Variants in CXCL13 observed in about 807,000 individuals in gnomAD.
CXCL13 encodes the protein C-X-C motif chemokine ligand 13.
A neutral mutation model predicts 12.2 loss-of-function variants in CXCL13; 7 were observed. That is an observed-to-expected ratio of 0.57 (90% CI 0.33 to 1.07). CXCL13 has a LOEUF of 1.07. CXCL13 is among the 50% of genes least tolerant of loss of function. CXCL13 has a pLI of 0.04. For synonymous variants in CXCL13, 47 were observed against 42.4 expected (o/e 1.11, Z -0.42); for missense variants, 113 against 127.4 (o/e 0.89, Z 0.55).
chr4:77,593,207 T>C (rs968629539), intron 1 of CXCL13, among the ~76,000 whole-genome samples: 5 of 152,228 alleles, frequency 3.3e-5, no homozygotes, highest in Non-Finnish European at 5.9e-5. Flanking sequence ...AAGCACACTC[T>C]GTTTCCCTGA....
chr4:77,566,026 G>A (rs564844219), intron 1 of CXCL13, among the ~76,000 whole-genome samples: 1 of 152,296 alleles, frequency 6.6e-6, no homozygotes, highest in South Asian at 2.1e-4. Flanking sequence ...CATCTCACAT[G>A]CTCTTCAAAA....
intron 1 of CXCL13, among the ~76,000 whole-genome samples, chr4:77,550,130 G>GCACC (rs1467800082): frequency 6.6e-6 from 1 of 152,216 alleles, no homozygotes; most frequent in East Asian, 1.9e-4. Flanking sequence ...GGCTCTGTTG[G>GCACC]CATGGGATCT....
chr4:77,588,811 G>A (rs1039750221), intron 1 of CXCL13, among the ~76,000 whole-genome samples: 1 of 152,140 alleles, frequency 6.6e-6, no homozygotes, highest in Non-Finnish European at 1.5e-5. Flanking sequence ...CGAGAACAAA[G>A]CTGAACTCTC....
At chr4:77,530,389 G>A (rs948652691) in intron 1 of CXCL13, among the ~76,000 whole-genome samples, 1 of 152,190 alleles carries the variant, frequency 6.6e-6, no homozygotes, top group Admixed American at 6.5e-5. Context: ...GAACTCGGCT[G>A]TGAATCCATC....
intron 1 of CXCL13, among the ~76,000 whole-genome samples, chr4:77,555,540 A>C (rs1244467878): frequency 6.6e-6 from 1 of 152,102 alleles, no homozygotes; most frequent in South Asian, 2.1e-4. Flanking sequence ...TAGAGACCTA[A>C]ATGTAAAAAT....
At chr4:77,599,405 G>T (rs1231005619) in intron 1 of CXCL13, among the ~76,000 whole-genome samples, 1 of 152,006 alleles carries the variant, frequency 6.6e-6, no homozygotes, top group Non-Finnish European at 1.5e-5. Context: ...ATTGTTTAGG[G>T]AATAATGACA....
chr4:77,531,928 C>T (rs1346273935), intron 1 of CXCL13, among the ~76,000 whole-genome samples: 2 of 152,140 alleles, frequency 1.3e-5, no homozygotes, highest in African/African-American at 2.4e-5. Context: ...TTATTTTGAG[C>T]CTATGTGTGT....
intron 1 of CXCL13, among the ~76,000 whole-genome samples, chr4:77,573,994 A>G (rs1460338298): frequency 6.6e-6 from 1 of 151,942 alleles, no homozygotes; most frequent in Non-Finnish European, 1.5e-5. Context: ...TTCAATTAGA[A>G]AAATATCTTT....
At chr4:77,553,866 A>C (rs1388735131) in intron 1 of CXCL13, among the ~76,000 whole-genome samples, 2 of 152,218 alleles carry the variant, frequency 1.3e-5, no homozygotes, top group Admixed American at 1.3e-4. Context: ...AAACAAATTG[A>C]AATATCTAGT....
At chr4:77,517,325 A>G (rs1457151222) in intron 1 of CXCL13, among the ~76,000 whole-genome samples, 3 of 152,100 alleles carry the variant, frequency 2.0e-5, no homozygotes, top group Non-Finnish European at 4.4e-5. Context: ...TGTTAGGTCC[A>G]CTTGGTGCAG....
chr4:77,524,129 A>T (rs1287093637), intron 1 of CXCL13, among the ~76,000 whole-genome samples: 2 of 152,200 alleles, frequency 1.3e-5, no homozygotes, highest in Non-Finnish European at 2.9e-5. Flanking sequence ...ACCTGCCTAT[A>T]TGAGGTGTCA....
chr4:77,585,423 T>C (rs1188408513), intron 1 of CXCL13, among the ~76,000 whole-genome samples: 1 of 152,194 alleles, frequency 6.6e-6, no homozygotes, highest in Non-Finnish European at 1.5e-5. Flanking sequence ...CCATTTACTG[T>C]CCAGAAAGCT....
chr4:77,519,277 C>G (rs1286973970), intron 1 of CXCL13, among the ~76,000 whole-genome samples: 1 of 152,206 alleles, frequency 6.6e-6, no homozygotes, highest in Non-Finnish European at 1.5e-5. Context: ...TGCCCGTTCT[C>G]AGATCTCCAG....
chr4:77,517,434 G>A (rs929959115), intron 1 of CXCL13, among the ~76,000 whole-genome samples: 1 of 152,118 alleles, frequency 6.6e-6, no homozygotes, highest in African/African-American at 2.4e-5. Context: ...ATTAATGTGT[G>A]GGAGTCTAAG....
At position 77,544,151 on chromosome 4, in the gene CXCL13, A is replaced by G. The variant is rs191251383; in HGVS notation, c.-43+32363A>G. Among the ~76,000 whole-genome samples the G allele has an allele frequency of 5.3e-5, 8 of 152,146 alleles. No individual in the cohort carries two copies. In the East Asian group the frequency reaches 5.8e-4, roughly 11 times the overall value. On this transcript the variant is annotated intron_variant, in intron 1 of 4. Coordinates refer to the CXCL13 transcript ENST00000286758. ...TTTCTTAATCCAGTCTATCATTGAT[A>G]GACATTTGGGTTGGTTCCAAGTCTT...
At chr4:77,543,906 C>T (rs1249681498) in intron 1 of CXCL13, among the ~76,000 whole-genome samples, 1 of 152,122 alleles carries the variant, frequency 6.6e-6, no homozygotes, top group Non-Finnish European at 1.5e-5. Context: ...ACTCCCCCAA[C>T]CCCATGACAG....
At chr4:77,609,116 T>C (rs923814429) in intron 2 of CXCL13, among the ~76,000 whole-genome samples, 1 of 152,190 alleles carries the variant, frequency 6.6e-6, no homozygotes, top group African/African-American at 2.4e-5. Flanking sequence ...AAATCTGTCT[T>C]TCCATCATGA....
intron 1 of CXCL13, among the ~76,000 whole-genome samples, chr4:77,519,235 G>A (rs1409564809): frequency 6.6e-6 from 1 of 152,182 alleles, no homozygotes; most frequent in Non-Finnish European, 1.5e-5. Flanking sequence ...GCTGCTCAGG[G>A]GTCAGGGGTC....
intron 1 of CXCL13, among the ~76,000 whole-genome samples, chr4:77,525,435 G>A (rs1472185546): frequency 1.3e-5 from 2 of 152,110 alleles, no homozygotes; most frequent in Non-Finnish European, 2.9e-5. Context: ...TAAAATCAAT[G>A]CAGGTGAGAG....
Sources: allele counts gnomAD v4.1 joint callset (sites outside exome capture counted in the v4.1 genomes callset), GRCh38; gene constraint gnomAD v4.1.1; transcripts MANE v1.5; gene names NCBI Gene and HGNC (gene_info 2026-07-23, HGNC 2026-07-21).